Variants in LRMDA observed in about 807,000 individuals in gnomAD.
LRMDA encodes the protein leucine-rich melanocyte differentiation-associated protein.
A neutral mutation model predicts 29.8 loss-of-function variants in LRMDA; 18 were observed. The observed-to-expected ratio is 0.60, with a 90% CI of 0.42 to 0.90. The LOEUF (loss-of-function observed/expected upper bound fraction) is 0.90, where lower values mean the gene tolerates loss of function less well. LRMDA is among the 40% of genes least tolerant of loss of function. LRMDA has a pLI of 0.00. For synonymous variants in LRMDA, 125 were observed against 109.4 expected, an observed-to-expected ratio of 1.14 and a Z score of -0.89; for missense variants, 273 against 273.9, an observed-to-expected ratio of 1.00 and a Z score of 0.02.
chr10:75,466,493 A>G (rs1023821296), intron 2 of LRMDA, among the ~76,000 whole-genome samples: 7 of 152,122 alleles, frequency 4.6e-5, no homozygotes, highest in African/African-American at 1.7e-4. Flanking sequence ...GTGGTTTTCC[A>G]CCAGCCTTGG....
At chr10:76,208,461 C>A (rs916993864) in intron 5 of LRMDA, among the ~76,000 whole-genome samples, 1 of 152,114 alleles carries the variant, frequency 6.6e-6, no homozygotes, top group African/African-American at 2.4e-5. Flanking sequence ...CACAGGGCAG[C>A]CAGCAAGGAA....
At chr10:76,467,867 C>G (rs911991793) in intron 6 of LRMDA, among the ~76,000 whole-genome samples, 10 of 152,134 alleles carry the variant, frequency 6.6e-5, no homozygotes, top group African/African-American at 2.4e-4. Flanking sequence ...TCCCTGAGGA[C>G]AATTCTGAGA....
At position 75,484,579 on chromosome 10, in the gene LRMDA, T is replaced by C. The variant is rs575680042; in HGVS notation, c.131+46085T>C. On this transcript the variant is annotated intron_variant, in intron 2 of 6. Coordinates refer to ENST00000611255, the MANE Select transcript of LRMDA (RefSeq NM_001305581.2). ...AATTGTTTCTCACCCAAAATCCATT[T>C]GTTGAAGCCCTAATTGCCAATGTGA... 2.0e-5 allele frequency among the ~76,000 whole-genome samples: 3 copies of C among 152,336 alleles called. No homozygotes were observed. In the East Asian group the frequency reaches 5.8e-4, roughly 29 times the overall value.
At chr10:76,080,918 T>C (rs1849039130) in intron 5 of LRMDA, among the ~76,000 whole-genome samples, 1 of 152,150 alleles carries the variant, frequency 6.6e-6, no homozygotes, top group South Asian at 2.1e-4. Flanking sequence ...CAGCAGTCTC[T>C]CCTCTCTAGG....
intron 5 of LRMDA, among the ~76,000 whole-genome samples, chr10:76,169,912 C>A (rs928078400): frequency 2.6e-5 from 4 of 152,150 alleles, no homozygotes; most frequent in Admixed American, 2.6e-4. Flanking sequence ...AAGAGGTTTA[C>A]CTCTCAGAGG....
At chr10:76,227,006 A>G (rs1205769975) in intron 5 of LRMDA, among the ~76,000 whole-genome samples, 1 of 152,242 alleles carries the variant, frequency 6.6e-6, no homozygotes, top group Admixed American at 6.5e-5. Flanking sequence ...AATACATGGC[A>G]TATACTTTAG....
At chr10:76,328,567 A>G (rs1840865713) in intron 6 of LRMDA, among the ~76,000 whole-genome samples, 1 of 152,208 alleles carries the variant, frequency 6.6e-6, no homozygotes, top group Admixed American at 6.5e-5. Context: ...CCCAGTGCGT[A>G]TGAAGCAAGT....
chr10:75,977,353 C>T (rs948000938), intron 2 of LRMDA, among the ~76,000 whole-genome samples: 11 of 152,120 alleles, frequency 7.2e-5, no homozygotes, highest in Admixed American at 2.6e-4. Context: ...ACAGGCACTC[C>T]GCCAGGTTTT....
At chr10:76,360,945 C>A (rs1841303530) in intron 6 of LRMDA, among the ~76,000 whole-genome samples, 1 of 152,074 alleles carries the variant, frequency 6.6e-6, no homozygotes, top group East Asian at 1.9e-4. Flanking sequence ...TAGTTGAGGA[C>A]AGCATGCTAA....
chr10:75,553,657 C>T (rs1318520807), intron 2 of LRMDA, among the ~76,000 whole-genome samples: 1 of 152,138 alleles, frequency 6.6e-6, no homozygotes, highest in East Asian at 1.9e-4. Context: ...AGGTTTTCTA[C>T]CCCTTCACCC....
chr10:75,956,619 T>C (rs1243040339), intron 2 of LRMDA, among the ~76,000 whole-genome samples: 2 of 152,216 alleles, frequency 1.3e-5, no homozygotes, highest in African/African-American at 4.8e-5. Flanking sequence ...TTCTCTGTCC[T>C]GAGGTCATCA....
rs145024751 is a variant in LRMDA, at chr10:75,843,655, T to C, written c.132-192353T>C. On this transcript the variant is annotated intron_variant, in intron 2 of 6. Coordinates refer to ENST00000611255, the MANE Select transcript of LRMDA (RefSeq NM_001305581.2). ...CCGTGTGCAAAGGCAGTGCTCATTA[T>C]TATGTCATGTTAAAACGTTTGTATC... Among the ~76,000 whole-genome samples, 36 of 152,366 alleles carry C rather than the reference T, an allele frequency of 2.4e-4. No homozygotes were observed. In the East Asian group the frequency reaches 6.7e-3, roughly 29 times the overall value.
At chr10:75,467,761 G>A (rs1216370717) in intron 2 of LRMDA, among the ~76,000 whole-genome samples, 1 of 152,124 alleles carries the variant, frequency 6.6e-6, no homozygotes, top group Non-Finnish European at 1.5e-5. Flanking sequence ...AAGCGATTGA[G>A]ACCATCCTGG....
rs182580578 is a variant in LRMDA at position 75,851,575 on chromosome 10, G to A, written c.132-184433G>A. 1.9e-3 allele frequency among the ~76,000 whole-genome samples: 285 copies of A among 152,200 alleles called. 1 individual carries two copies. Among genetic ancestry groups the A allele is most frequent in the Admixed American group, 5.4e-3 (83 of 15,272 alleles). Reference sequence around the variant, plus strand: ...CTACTTGTTCTGAAGATAAATTAGCGACTTCTAAATAATGCAGTGAACCCT... The same window carrying A: ...CTACTTGTTCTGAAGATAAATTAGCAACTTCTAAATAATGCAGTGAACCCT... On this transcript the variant is annotated intron_variant, in intron 2 of 6. Transcript: ENST00000611255.
intron 5 of LRMDA, among the ~76,000 whole-genome samples, chr10:76,111,334 C>T (rs978983070): frequency 6.6e-6 from 1 of 152,256 alleles, no homozygotes; most frequent in African/African-American, 2.4e-5. Flanking sequence ...ATCCTTAGCA[C>T]CCAGCATAAT....
intron 5 of LRMDA, among the ~76,000 whole-genome samples, chr10:76,236,020 C>T (rs530603762): frequency 6.6e-6 from 1 of 152,258 alleles, no homozygotes; most frequent in African/African-American, 2.4e-5. Flanking sequence ...AAAATGACCT[C>T]CAATAACCAT....
chr10:76,522,692 G>A (rs1193572130), intron 6 of LRMDA, among the ~76,000 whole-genome samples: 2 of 152,044 alleles, frequency 1.3e-5, no homozygotes, highest in African/African-American at 2.4e-5. Flanking sequence ...TCCACAAGCC[G>A]AATAAAACTC....
intron 2 of LRMDA, among the ~76,000 whole-genome samples, chr10:75,486,920 T>C (rs944132251): frequency 6.6e-6 from 1 of 152,238 alleles, no homozygotes; most frequent in Non-Finnish European, 1.5e-5. Context: ...GCTTTGCACT[T>C]TTACTGGAGA....
intron 2 of LRMDA, among the ~76,000 whole-genome samples, chr10:75,509,370 C>T (rs1845202477): frequency 6.6e-6 from 1 of 152,178 alleles, no homozygotes; most frequent in Non-Finnish European, 1.5e-5. Flanking sequence ...ATATTATGCT[C>T]AAAATTTCCT....
Sources: allele counts gnomAD v4.1 joint callset (sites outside exome capture counted in the v4.1 genomes callset), GRCh38; gene constraint gnomAD v4.1.1; transcripts MANE v1.5; gene names NCBI Gene and HGNC (gene_info 2026-07-23, HGNC 2026-07-21).